ADGRA2: variants seen among roughly 807,000 people sequenced by gnomAD.
ADGRA2 encodes the protein adhesion G protein-coupled receptor A2, also known as G-protein coupled receptor 124.
ADGRA2 carries 61 observed loss-of-function variants against 98.7 expected under a neutral mutation model. The observed-to-expected ratio is 0.62, with a 90% CI of 0.50 to 0.76. The LOEUF (loss-of-function observed/expected upper bound fraction) is 0.76, where lower values mean the gene tolerates loss of function less well. Among genes scored for constraint, ADGRA2 ranks in the 30% least tolerant of loss-of-function variants. ADGRA2 has a pLI of 0.00. For synonymous variants in ADGRA2, 858 were observed against 831.5 expected, an observed-to-expected ratio of 1.03 and a Z score of -0.55; for missense variants, 1,712 against 1,860.0, an observed-to-expected ratio of 0.92 and a Z score of 1.46.
In ADGRA2 at chr8:37,841,173, C is replaced by A; in HGVS notation, c.2835C>A (p.Cys945Ter). ...ILLITWIYFL[C>*]AGLRLRGPLA... Reference sequence around the variant, plus strand: ...TCATCACCTGGATCTATTTCCTGTGCGCCGGGCTACGCTTACGGGGTCCTC... The same window carrying A: ...TCATCACCTGGATCTATTTCCTGTGAGCCGGGCTACGCTTACGGGGTCCTC... Residue 945 changes from cysteine to a stop codon, truncating the protein, a stop_gained, in exon 19 of 19, where the codon TGC becomes TGA. Coordinates refer to ENST00000412232, the MANE Select transcript of ADGRA2 (RefSeq NM_032777.10). LOFTEE classifies it low-confidence loss of function (END_TRUNC). This position sits in a 1 kb window ranked among gnomAD's most constrained non-coding sequence, Gnocchi z 5.0. The A allele has an allele frequency of 6.2e-7, 1 of 1,612,992 alleles. No homozygotes were observed. Among genetic ancestry groups the A allele is most frequent in the Non-Finnish European group, 8.5e-7 (1 of 1,179,992 alleles).
intron 5 of ADGRA2, 87 bp downstream of exon 5, chr8:37,829,646 C>G: frequency 9.2e-7 from 1 of 1,082,124 alleles, no homozygotes; most frequent in Non-Finnish European, 1.4e-6. Context: ...ACCACCAGGA[C>G]TGGTCTCACG....
rs1805392471 is a variant in ADGRA2 at position 37,829,555 on chromosome 8, G to T, written c.550G>T (p.Val184Phe). The change falls in exon 5 of 19, where the codon GTT becomes TTT. Residue 184 changes from valine to phenylalanine, a missense_variant. Coordinates refer to ENST00000412232, the MANE Select transcript of ADGRA2 (RefSeq NM_032777.10). ...GVFDELPALK[V>F]VDLGTEFLTC... ...CTTTGATGAGCTGCCAGCCCTTAAG[G>T]TTGTGTGAGTATCTCTTCCTAGCTC... The T allele has an allele frequency of 6.2e-7, 1 of 1,607,074 alleles. No homozygotes were observed. Among genetic ancestry groups the T allele is most frequent in the African/African-American group, 1.3e-5 (1 of 74,746 alleles).
chr8:37,812,050 C>T (rs1480362162), intron 1 of ADGRA2, among the ~76,000 whole-genome samples: 1 of 151,322 alleles, frequency 6.6e-6, no homozygotes, highest in East Asian at 2.0e-4. Context: ...TGCAGTGAGC[C>T]GACATCGTGC....
At chr8:37,823,048 C>T (rs1272790845) in intron 2 of ADGRA2, among the ~76,000 whole-genome samples, 2 of 151,852 alleles carry the variant, frequency 1.3e-5, no homozygotes, top group Non-Finnish European at 2.9e-5. Context: ...CGCACTACCA[C>T]ACCCGGCTAA....
At chr8:37,823,222 C>G (rs1805177564) in intron 2 of ADGRA2, among the ~76,000 whole-genome samples, 1 of 140,544 alleles carries the variant, frequency 7.1e-6, no homozygotes, top group Non-Finnish European at 1.5e-5. Flanking sequence ...CAGACAGGGT[C>G]TCACTCTGGC....
chr8:37,805,020 A>G (rs567379993), intron 1 of ADGRA2, among the ~76,000 whole-genome samples: 3 of 152,288 alleles, frequency 2.0e-5, no homozygotes, highest in South Asian at 2.1e-4. Context: ...TGTGACCCCT[A>G]TGGGTGTGGC....
intron 2 of ADGRA2, among the ~76,000 whole-genome samples, chr8:37,826,393 C>T (rs1040507986): frequency 1.3e-5 from 2 of 152,176 alleles, no homozygotes; most frequent in Non-Finnish European, 2.9e-5. Context: ...CTGCATCCCT[C>T]TCCCTCGGCC....
In ADGRA2 at chr8:37,829,048, A is replaced by AC. The variant is rs369971099; in HGVS notation, c.410+96dup. 9.5e-4 allele frequency: 392 copies of AC among 414,184 alleles called. 1 individual carries two copies. The African/African-American group carries it at 0.015, about 16-fold the overall frequency. 25.7% of individuals were successfully genotyped at this position (414,184 alleles called of 1,614,324 possible). On this transcript the variant is annotated intron_variant, in intron 3 of 18. Coordinates refer to ENST00000412232, the MANE Select transcript of ADGRA2 (RefSeq NM_032777.10). ...GCTCCATGCCCACCCCCTTCCTCTC[A>AC]CCCCCCCACACCTGCCCCTCCTTTC... is the stretch of plus-strand genomic sequence containing the variant.
chr8:37,828,481 C>CTTTTT (rs35779657), intron 2 of ADGRA2, among the ~76,000 whole-genome samples: 113 of 82,972 alleles, frequency 1.4e-3, no homozygotes, highest in Admixed American at 2.4e-3. Context: ...GGGGGTGGTT[C>CTTTTT]TTTTTTTTTT....
At chr8:37,840,971 A>C in intron 18 of ADGRA2, 115 bp from the exon 19 acceptor site, 1 of 1,235,938 alleles carries the variant, frequency 8.1e-7, no homozygotes, top group African/African-American at 1.5e-5. Context: ...ATGCATGCTG[A>C]CCAAGCCGTC....
At chr8:37,809,852 C>T (rs141445200) in intron 1 of ADGRA2, among the ~76,000 whole-genome samples, 1 of 152,062 alleles carries the variant, frequency 6.6e-6, no homozygotes, top group African/African-American at 2.4e-5. Context: ...GAGACCGGGA[C>T]TGCATGAAGT....
At chr8:37,833,352 T>C in intron 9 of ADGRA2, 144 bp downstream of exon 9, 1 of 699,040 alleles carries the variant, frequency 1.4e-6, no homozygotes, top group Admixed American at 2.9e-5. Context: ...AGGAGCCGGC[T>C]CCTCTCCTCC....
At chr8:37,819,896 C>T (rs1444901911) in intron 2 of ADGRA2, among the ~76,000 whole-genome samples, 7 of 151,994 alleles carry the variant, frequency 4.6e-5, no homozygotes, top group Non-Finnish European at 1.0e-4. Context: ...GTCTCGAACT[C>T]CTGACCTCAA....
rs1211538147 is a variant in ADGRA2, at chr8:37,797,437, G to C, written c.169G>C (p.Gly57Arg). Reference sequence around the variant, plus strand: ...GGAGCGGCCCAAGGGGCTGAGCGGCGGCGTCCCTGGCCCGGCTCGGCGGAG... The same window carrying C: ...GGAGCGGCCCAAGGGGCTGAGCGGCCGCGTCCCTGGCCCGGCTCGGCGGAG... ...SGERPKGLSG[G>R]VPGPARRRVV... The change falls in exon 1 of 19, where the codon GGC (glycine) becomes CGC (arginine). Residue 57 changes from glycine to arginine, a missense_variant. Gly to Arg is a moderately radical substitution (Grantham distance 125, BLOSUM62 -2). Coordinates refer to ENST00000412232, the MANE Select transcript of ADGRA2 (RefSeq NM_032777.10). This position sits in a 1 kb window ranked among gnomAD's most constrained non-coding sequence, Gnocchi z 5.3. 5.6e-6 allele frequency: 8 copies of C among 1,418,078 alleles called. No homozygotes were observed. The highest frequency in any genetic ancestry group is 7.4e-6 in the Non-Finnish European group (8 of 1,084,366). The allele number at this position is 1,418,078 out of a possible 1,614,324, so 87.8% of individuals were successfully genotyped here. A position where few individuals can be genotyped will look rare whatever the true frequency, so the allele number is the denominator to read the frequency against.
chr8:37,814,855 A>G lies in ADGRA2; in HGVS notation c.267-41A>G, dbSNP rs1278597638. ...TGGTGAAAGCGGATGCCCAGCACAT[A>G]ACAGCACCTTGTCCTGTCTGTGTCC... On this transcript the variant is annotated intron_variant, in intron 1 of 18. Transcript: ENST00000412232. The surrounding 1 kb of genome is among the most constrained non-coding windows in gnomAD (Gnocchi z 4.3). 2.7e-6 allele frequency: 4 copies of G among 1,462,980 alleles called. No individual in the cohort carries two copies. The South Asian group carries it at 3.4e-5, about 12-fold the overall frequency. The allele number at this position is 1,462,980 out of a possible 1,614,324, so 90.6% of individuals were successfully genotyped here.
chr8:37,811,502 G>GTTT (rs1804832549), intron 1 of ADGRA2, among the ~76,000 whole-genome samples: 1 of 136,274 alleles, frequency 7.3e-6, no homozygotes, highest in African/African-American at 2.9e-5. Context: ...TGGCAACAGA[G>GTTT]TTTTTCTCTT....
chr8:37,819,281 A>G (rs915366274), intron 2 of ADGRA2, among the ~76,000 whole-genome samples: 1 of 152,214 alleles, frequency 6.6e-6, no homozygotes. Flanking sequence ...CGTGGGCAGC[A>G]GGACAGGGAT....
At chr8:37,829,182 C>T (rs1440170860) in intron 3 of ADGRA2, 79 bp from the exon 4 acceptor site, 12 of 1,090,026 alleles carry the variant, frequency 1.1e-5, no homozygotes, top group South Asian at 2.5e-5. Flanking sequence ...CAAGCCCTGG[C>T]CCCACCCATG....
At position 37,816,591 on chromosome 8, in the gene ADGRA2, C is replaced by CAA. The variant is rs201208443; in HGVS notation, c.338+1626_338+1627dup. On this transcript the variant is annotated intron_variant, in intron 2 of 18. Transcript: ENST00000412232. ...TGTGTGACAGAGCGAGACTCCGTCT[C>CAA]AAACACACACACACACACACACACA... 1.9e-3 allele frequency among the ~76,000 whole-genome samples: 250 copies of CAA among 132,160 alleles called. 2 individuals carry two copies. Among genetic ancestry groups the CAA allele is most frequent in the African/African-American group, 7.2e-3 (234 of 32,416 alleles). 86.7% of individuals were successfully genotyped at this position (132,160 alleles called of 152,430 possible).
Sources: allele counts gnomAD v4.1 joint callset (sites outside exome capture counted in the v4.1 genomes callset), GRCh38; gene constraint gnomAD v4.1.1; non-coding constraint Gnocchi (gnomAD v3.1); transcripts MANE v1.5; gene names NCBI Gene and HGNC (gene_info 2026-07-23, HGNC 2026-07-21).